FBXW7: variants seen among roughly 807,000 people sequenced by gnomAD.
FBXW7 encodes F-box/WD repeat-containing protein 7.
Under a neutral mutation model 86.3 loss-of-function variants are expected in FBXW7, and 11 were observed. That is an observed-to-expected ratio of 0.13 (90% confidence interval 0.08 to 0.21). FBXW7 has a LOEUF of 0.21. FBXW7 is among the 10% of genes least tolerant of loss of function. The pLI is 1.00. For missense variants in FBXW7, 488 were observed against 847.4 expected (o/e 0.58, Z 5.27); for synonymous variants, 313 against 297.9 (o/e 1.05, Z -0.52).
At chr4:152,484,049 A>G (rs1165454081) in intron 2 of FBXW7, among the ~76,000 whole-genome samples, 5 of 152,174 alleles carry the variant, frequency 3.3e-5, no homozygotes, top group Admixed American at 2.6e-4. Context: ...AACTTTGAAT[A>G]GAGTCTACAT....
intron 2 of FBXW7, among the ~76,000 whole-genome samples, chr4:152,423,446 A>G (rs999264286): frequency 6.6e-6 from 1 of 152,192 alleles, no homozygotes; most frequent in Non-Finnish European, 1.5e-5. Flanking sequence ...AATTTTCTAA[A>G]TTTTAGATTG....
intron 4 of FBXW7, among the ~76,000 whole-genome samples, chr4:152,403,788 C>A (rs979656458): frequency 6.6e-5 from 10 of 152,158 alleles, no homozygotes; most frequent in Non-Finnish European, 1.2e-4. Context: ...TGCTGTGAGG[C>A]CCAGTTCCTA....
At chr4:152,442,990 C>T (rs1409366235) in intron 2 of FBXW7, among the ~76,000 whole-genome samples, 2 of 152,178 alleles carry the variant, frequency 1.3e-5, no homozygotes, top group Non-Finnish European at 2.9e-5. Flanking sequence ...AGGCCAGGCG[C>T]GGTGGCTCAT....
intron 2 of FBXW7, among the ~76,000 whole-genome samples, chr4:152,432,504 A>T (rs1159331840): frequency 2.0e-5 from 3 of 152,182 alleles, no homozygotes; most frequent in Non-Finnish European, 4.4e-5. Flanking sequence ...ACAACACCTT[A>T]ATCAAGACAC....
intron 2 of FBXW7, among the ~76,000 whole-genome samples, chr4:152,430,859 C>T (rs1230361134): frequency 6.6e-6 from 1 of 152,134 alleles, no homozygotes; most frequent in African/African-American, 2.4e-5. Context: ...TTTACAGCAA[C>T]TACATTATAT....
intron 2 of FBXW7, among the ~76,000 whole-genome samples, chr4:152,453,257 C>A (rs954746363): frequency 1.3e-5 from 2 of 152,194 alleles, no homozygotes; most frequent in Non-Finnish European, 2.9e-5. Flanking sequence ...GCTTTACAGT[C>A]AAACAGGAAA....
chr4:152,532,130 G>A (rs1750073992), intron 2 of FBXW7, among the ~76,000 whole-genome samples: 1 of 152,134 alleles, frequency 6.6e-6, no homozygotes, highest in African/African-American at 2.4e-5. Context: ...TACATTTTCA[G>A]TATATTACCT....
At chr4:152,395,879 C>T (rs1043532126) in intron 4 of FBXW7, among the ~76,000 whole-genome samples, 1 of 151,984 alleles carries the variant, frequency 6.6e-6, no homozygotes, top group African/African-American at 2.4e-5. Context: ...GTCAAACCAA[C>T]CCACGGAAGT....
chr4:152,484,781 G>A (rs1394441680), intron 2 of FBXW7, among the ~76,000 whole-genome samples: 2 of 152,042 alleles, frequency 1.3e-5, no homozygotes, highest in African/African-American at 2.4e-5. Context: ...GGCCAACATG[G>A]CGAAACCCTG....
intron 4 of FBXW7, among the ~76,000 whole-genome samples, chr4:152,384,419 G>C (rs1229508327): frequency 6.6e-6 from 1 of 152,032 alleles, no homozygotes; most frequent in Non-Finnish European, 1.5e-5. Flanking sequence ...AGTAAAATAA[G>C]TCAGTCAAAA....
intron 2 of FBXW7, among the ~76,000 whole-genome samples, chr4:152,438,652 G>A (rs1316737171): frequency 1.3e-5 from 2 of 152,278 alleles, no homozygotes; most frequent in Middle Eastern, 3.4e-3. Context: ...TCGAGCCTGG[G>A]TGACAGACTG....
chr4:152,369,564 A>G (rs763120192), intron 4 of FBXW7, among the ~76,000 whole-genome samples: 4 of 152,100 alleles, frequency 2.6e-5, no homozygotes, highest in African/African-American at 7.2e-5. Flanking sequence ...ATTTTGTAAT[A>G]AAGTTTGTAA....
rs186579938 is a variant in FBXW7, at chr4:152,468,809, C to T, written c.-119-56280G>A. On this transcript the variant is annotated intron_variant, in intron 2 of 13. Transcript: ENST00000281708. ...ACATGATAAGCATATAACACAAAGA[C>T]GACTGCTTCCCTCTAACTCAAATAT... 2.0e-4 allele frequency among the ~76,000 whole-genome samples: 31 copies of T among 152,048 alleles called. No individual in the cohort carries two copies. In the East Asian group the frequency reaches 4.4e-3, roughly 22 times the overall value.
intron 4 of FBXW7, among the ~76,000 whole-genome samples, chr4:152,394,473 T>G (rs1206262088): frequency 6.6e-6 from 1 of 152,026 alleles, no homozygotes; most frequent in African/African-American, 2.4e-5. Flanking sequence ...GGATCAAGAG[T>G]GCTTCATAGT....
chr4:152,492,830 G>A (rs1214808514), intron 2 of FBXW7, among the ~76,000 whole-genome samples: 1 of 152,040 alleles, frequency 6.6e-6, no homozygotes, highest in Non-Finnish European at 1.5e-5. Context: ...CAAATCACAT[G>A]GATGGGGATT....
intron 4 of FBXW7, among the ~76,000 whole-genome samples, chr4:152,367,569 T>C (rs574309657): frequency 2.6e-5 from 4 of 152,156 alleles, no homozygotes; most frequent in Non-Finnish European, 5.9e-5. Flanking sequence ...CACTTTGGTT[T>C]TGTGAATATG....
chr4:152,446,623 G>A (rs192450456), intron 2 of FBXW7, among the ~76,000 whole-genome samples: 4 of 152,300 alleles, frequency 2.6e-5, no homozygotes, highest in Admixed American at 2.6e-4. Flanking sequence ...CAGCTCCACT[G>A]AGGCTAGAAC....
chr4:152,528,352 A>G (rs181427650), intron 2 of FBXW7, among the ~76,000 whole-genome samples: 1 of 152,328 alleles, frequency 6.6e-6, no homozygotes, highest in East Asian at 1.9e-4. Context: ...AGAGCAGAAG[A>G]TACTCAAGCA....
intron 2 of FBXW7, among the ~76,000 whole-genome samples, chr4:152,532,150 T>C (rs1278611702): frequency 6.6e-6 from 1 of 152,214 alleles, no homozygotes; most frequent in East Asian, 1.9e-4. Flanking sequence ...TGCTAAACTA[T>C]TTTGCTGTTT....
Sources: allele counts gnomAD v4.1 joint callset (sites outside exome capture counted in the v4.1 genomes callset), GRCh38; gene constraint gnomAD v4.1.1; transcripts MANE v1.5; gene names NCBI Gene and HGNC (gene_info 2026-07-23, HGNC 2026-07-21).